Variants in NCOA1 observed in about 807,000 individuals in gnomAD.
NCOA1 encodes nuclear receptor coactivator 1.
In NCOA1, 35 loss-of-function variants were observed where a neutral mutation model predicts 150.9. The observed-to-expected ratio is 0.23, with a 90% CI of 0.18 to 0.31. The LOEUF (loss-of-function observed/expected upper bound fraction) is 0.31, where lower values mean the gene tolerates loss of function less well. NCOA1 is among the 10% of genes least tolerant of loss of function. The pLI is 1.00. For missense variants in NCOA1, 1,491 were observed against 1,749.3 expected, an observed-to-expected ratio of 0.85 and a Z score of 2.63; for synonymous variants, 590 against 630.0, an observed-to-expected ratio of 0.94 and a Z score of 0.95.
chr2:24,508,575 G>A (rs369507491), intron 1 of NCOA1, among the ~76,000 whole-genome samples: 5 of 152,150 alleles, frequency 3.3e-5, no homozygotes, highest in South Asian at 2.1e-4. Context: ...TTTAATGAAT[G>A]AAATGTCTCA....
Position 24,504,157 on chromosome 2 carries a change from A to G in NCOA1, c.-396+12555A>G, listed in dbSNP as rs1249054550. Among the ~76,000 whole-genome samples the G allele has an allele frequency of 2.0e-5, 3 of 152,246 alleles. No individual in the cohort carries two copies. The South Asian group carries it at 6.2e-4, about 31-fold the overall frequency. The stretch of plus-strand genomic sequence containing the variant: ...GTATACATACATAAGTTTGTTACCG[A>G]TGATACTAGGAGCCTAGTATGATCT... On this transcript the variant is annotated intron_variant, in intron 1 of 22. Coordinates refer to ENST00000348332, the MANE Select transcript of NCOA1 (RefSeq NM_003743.5).
intron 1 of NCOA1, among the ~76,000 whole-genome samples, chr2:24,518,253 G>A (rs1016282000): frequency 1.1e-4 from 17 of 152,006 alleles, no homozygotes; most frequent in African/African-American, 4.1e-4. Context: ...CTCAATAAAT[G>A]CAGAAAAAGC....
At chr2:24,563,525 T>G (rs1010015459) in intron 1 of NCOA1, among the ~76,000 whole-genome samples, 1 of 151,526 alleles carries the variant, frequency 6.6e-6, no homozygotes, top group Non-Finnish European at 1.5e-5. Context: ...TCTCTCTCTT[T>G]TTTTTTTTTT....
At chr2:24,719,486 G>A (rs1035544827) in intron 14 of NCOA1, among the ~76,000 whole-genome samples, 3 of 152,140 alleles carry the variant, frequency 2.0e-5, no homozygotes, top group Non-Finnish European at 4.4e-5. Flanking sequence ...AAATATCTGA[G>A]AGTAGAATGA....
intron 3 of NCOA1, among the ~76,000 whole-genome samples, chr2:24,601,385 T>A (rs1288647027): frequency 6.6e-6 from 1 of 152,094 alleles, no homozygotes; most frequent in East Asian, 1.9e-4. Context: ...GCTAAGTTTT[T>A]AAAAAAATTT....
chr2:24,751,929 G>A (rs1366996511), intron 19 of NCOA1, 53 bp from the exon 20 acceptor site: 10 of 1,477,672 alleles, frequency 6.8e-6, no homozygotes, highest in Non-Finnish European at 9.2e-6. Context: ...TTCATTTATG[G>A]GGTTAATAAA....
At chr2:24,698,490 A>G (rs1388276740) in intron 11 of NCOA1, among the ~76,000 whole-genome samples, 1 of 152,188 alleles carries the variant, frequency 6.6e-6, no homozygotes, top group Non-Finnish European at 1.5e-5. Flanking sequence ...AGTATAAGAT[A>G]TGTATATTCC....
intron 3 of NCOA1, among the ~76,000 whole-genome samples, chr2:24,594,990 ATGTT>A (rs1667830141): frequency 6.6e-6 from 1 of 152,026 alleles, no homozygotes; most frequent in African/African-American, 2.4e-5. Flanking sequence ...AATGGGCCAA[ATGTT>A]TGTTTAACTT....
At chr2:24,676,715 A>G (rs900079198) in intron 7 of NCOA1, among the ~76,000 whole-genome samples, 13 of 152,228 alleles carry the variant, frequency 8.5e-5, no homozygotes, top group African/African-American at 3.1e-4. Flanking sequence ...ACCCAATCCA[A>G]GGAATCTTAG....
chr2:24,586,829 C>T (rs547005676), intron 3 of NCOA1, among the ~76,000 whole-genome samples: 1 of 152,262 alleles, frequency 6.6e-6, no homozygotes, highest in South Asian at 2.1e-4. Context: ...CAGAGACTTT[C>T]CTTATGCTGT....
At chr2:24,758,204 T>G (rs368132831) in intron 21 of NCOA1, 48 bp downstream of exon 21, 33 of 1,497,744 alleles carry the variant, frequency 2.2e-5, no homozygotes, top group Non-Finnish European at 3.0e-5. Flanking sequence ...TCACAGTTAA[T>G]TCTGAGGAAA....
rs867943069 is a variant in NCOA1, at chr2:24,758,833, C to A, written c.4065+677C>A. ...CTGTCTCTACTAAAAAAAAAACAAA[C>A]AAAAATTAGCTGTGCGTGGTGGCAT... On this transcript the variant is annotated intron_variant, in intron 21 of 22. Transcript: ENST00000348332. Among the ~76,000 whole-genome samples the A allele has an allele frequency of 2.4e-3, 337 of 143,008 alleles. 1 individual carries two copies. Among genetic ancestry groups the A allele is most frequent in the African/African-American group, 5.8e-3 (223 of 38,302 alleles). The allele number at this position is 143,008 out of a possible 152,430, so 93.8% of individuals were successfully genotyped here.
At chr2:24,537,495 T>G (rs1470699708) in intron 1 of NCOA1, among the ~76,000 whole-genome samples, 1 of 151,940 alleles carries the variant, frequency 6.6e-6, no homozygotes, top group African/African-American at 2.4e-5. Context: ...TGTGTGTGTG[T>G]GTGTCTCTCT....
intron 14 of NCOA1, 118 bp downstream of exon 14, chr2:24,711,229 T>A: frequency 1.0e-6 from 1 of 968,662 alleles, no homozygotes; most frequent in East Asian, 2.8e-5. Context: ...TTTTTATTAA[T>A]GCCACTATAA....
At chr2:24,675,601 C>T (rs1671867851) in intron 7 of NCOA1, among the ~76,000 whole-genome samples, 1 of 152,136 alleles carries the variant, frequency 6.6e-6, no homozygotes. Context: ...AACAAATAAA[C>T]AGTCCGGGCG....
At chr2:24,495,730 C>T (rs564009675) in intron 1 of NCOA1, among the ~76,000 whole-genome samples, 12 of 152,200 alleles carry the variant, frequency 7.9e-5, no homozygotes, top group Non-Finnish European at 1.8e-4. Context: ...AGAAAAGAAA[C>T]TCTGACCAGA....
chr2:24,750,929 G>C lies in NCOA1; in HGVS notation c.3707-1053G>C, dbSNP rs537397274. Among the ~76,000 whole-genome samples, 13 of 150,202 alleles carry C rather than the reference G, an allele frequency of 8.7e-5. No homozygotes were observed. In the East Asian group the frequency reaches 1.8e-3, roughly 21 times the overall value. ...AATAAAGCTTAAAAGGGGGAAGGAG[G>C]GGGGGAAGAGTGGCTAACAAAACTT... On this transcript the variant is annotated intron_variant, in intron 19 of 22. Coordinates refer to ENST00000348332, the MANE Select transcript of NCOA1 (RefSeq NM_003743.5).
intron 21 of NCOA1, 116 bp from the exon 22 acceptor site, chr2:24,762,571 T>C (rs1664841228): frequency 1.2e-6 from 1 of 863,272 alleles, no homozygotes; most frequent in Admixed American, 2.0e-5. Context: ...GCTAAGCTTT[T>C]CATTTTTGCT....
intron 3 of NCOA1, among the ~76,000 whole-genome samples, chr2:24,631,489 G>A (rs1296608653): frequency 6.6e-6 from 1 of 151,952 alleles, no homozygotes; most frequent in African/African-American, 2.4e-5. Flanking sequence ...AGTATACCGG[G>A]GTGAGAGAAT....
Sources: allele counts gnomAD v4.1 joint callset (sites outside exome capture counted in the v4.1 genomes callset), GRCh38; gene constraint gnomAD v4.1.1; transcripts MANE v1.5; gene names NCBI Gene and HGNC (gene_info 2026-07-23, HGNC 2026-07-21).